RGPD1: variants seen among roughly 807,000 people sequenced by gnomAD.
The protein encoded by RGPD1 is RANBP2 like and GRIP domain containing 1.
A neutral mutation model predicts 40.6 loss-of-function variants in RGPD1; 7 were observed. That is an observed-to-expected ratio of 0.17 (90% CI 0.10 to 0.32). RGPD1 has a LOEUF of 0.32. RGPD1 is among the 10% of genes least tolerant of loss of function. The probability of loss-of-function intolerance (pLI) is 1.00; values close to 1 mark genes in which losing one functional copy is unlikely to be tolerated. For missense variants in RGPD1, 50 were observed against 472.5 expected (o/e 0.11, Z 8.29); for synonymous variants, 24 against 167.0 (o/e 0.14, Z 6.60).
Position 86,928,552 on chromosome 2 carries a change from CAG to C in RGPD1, c.72+14633_72+14634del, listed in dbSNP as rs1287881401. Among the ~76,000 whole-genome samples the C allele has an allele frequency of 3.3e-5, 5 of 152,038 alleles. No homozygotes were observed. In the East Asian group the frequency reaches 9.6e-4, roughly 29 times the overall value. On this transcript the variant is annotated intron_variant, in intron 1 of 22. Transcript: ENST00000398193. ...GGAACTGCTGTGGTAATTTAGGTAA[CAG>C]ATGATGATGGTTTAGGTGAAAGTGG...
At chr2:86,915,279 G>C (rs1229804447) in intron 1 of RGPD1, among the ~76,000 whole-genome samples, 1 of 150,998 alleles carries the variant, frequency 6.6e-6, no homozygotes, top group Non-Finnish European at 1.5e-5. Context: ...CTAGGTGATA[G>C]AGTTAGGGTT....
At chr2:86,943,418 G>T (rs1400832227) in intron 1 of RGPD1, among the ~76,000 whole-genome samples, 1 of 151,824 alleles carries the variant, frequency 6.6e-6, no homozygotes, top group South Asian at 2.1e-4. Context: ...CCTCTTTACA[G>T]GTAAATAATG....
intron 1 of RGPD1, among the ~76,000 whole-genome samples, chr2:86,925,765 C>T (rs913698709): frequency 7.2e-5 from 11 of 151,940 alleles, no homozygotes; most frequent in African/African-American, 2.4e-4. Flanking sequence ...GAAATAGAGT[C>T]TCGCTGTATG....
At chr2:86,924,402 A>G (rs1678301660) in intron 1 of RGPD1, among the ~76,000 whole-genome samples, 1 of 150,096 alleles carries the variant, frequency 6.7e-6, no homozygotes, top group African/African-American at 2.4e-5. Context: ...TAATCCGCCC[A>G]TGTTGACCTC....
At chr2:86,923,033 CTTTT>C (rs1196456916) in intron 1 of RGPD1, among the ~76,000 whole-genome samples, 1 of 54,484 alleles carries the variant, frequency 1.8e-5, no homozygotes, top group Non-Finnish European at 3.3e-5. Context: ...TGGTATATTC[CTTTT>C]TTTTTTTTTT....
At position 86,960,471 on chromosome 2, in the gene RGPD1, C is replaced by G. The variant is rs1680897693; in HGVS notation, c.779+2044C>G. On this transcript the variant is annotated intron_variant, in intron 6 of 22. Coordinates refer to ENST00000641458, the MANE Select transcript of RGPD1 (RefSeq NM_001382344.1). ...CGATCTCCTGACCTCGTGATCTGCC[C>G]TCCTCGGCCTCCCAAAGTGTTGGGA... Among the ~76,000 whole-genome samples the G allele has an allele frequency of 3.7e-5, 3 of 81,264 alleles. No homozygotes were observed. In the South Asian group the frequency reaches 1.2e-3, roughly 33 times the overall value. 53.3% of individuals were successfully genotyped at this position (81,264 alleles called of 152,430 possible).
At chr2:86,936,916 G>C (rs1679393366) in intron 1 of RGPD1, among the ~76,000 whole-genome samples, 1 of 134,390 alleles carries the variant, frequency 7.4e-6, no homozygotes. Flanking sequence ...TCTGAGACAG[G>C]ATATGAATGT....
rs560830021 is a variant in RGPD1 at position 86,936,099 on chromosome 2, G to A, written c.73-15197G>A. On this transcript the variant is annotated intron_variant, in intron 1 of 22. Coordinates refer to the RGPD1 transcript ENST00000398193. ...CGGCTCACTGCAAGCTCCACCTCCC[G>A]GGTTCACGCTGTTGTCCTGCCTCAG... 5.5e-4 allele frequency among the ~76,000 whole-genome samples: 74 copies of A among 135,118 alleles called. 5 individuals carry two copies. In the South Asian group the frequency reaches 0.015, roughly 27 times the overall value. 88.6% of individuals were successfully genotyped at this position (135,118 alleles called of 152,430 possible).
upstream of RGPD1, among the ~76,000 whole-genome samples, chr2:86,939,320 C>T (rs1285079560): frequency 4.1e-5 from 6 of 147,158 alleles, 1 homozygote; most frequent in Non-Finnish European, 6.0e-5. Flanking sequence ...TGCCGGGCAC[C>T]TGTATCCGAG....
chr2:86,913,866 C>T lies in RGPD1; in HGVS notation c.17C>T (p.Ala6Val), dbSNP rs369128248. The change falls in exon 1 of 23, where the codon GCC (alanine) becomes GTC (valine). Residue 6 changes from alanine to valine, a missense_variant. Ala to Val is a moderately conservative substitution (Grantham distance 64). Coordinates refer to the RGPD1 transcript ENST00000398193. ...GGCGGTGCGATGAGGCGCAGCAAGG[C>T]CTACGGGGAGCGGTACCTCGCCTCG... 40 of 1,580,726 alleles carry T rather than the reference C, an allele frequency of 2.5e-5. 2 individuals carry two copies. Among genetic ancestry groups the T allele is most frequent in the Admixed American group, 1.4e-4 (8 of 58,324 alleles).
chr2:86,924,747 C>T (rs115114275), intron 1 of RGPD1, among the ~76,000 whole-genome samples: 2 of 151,894 alleles, frequency 1.3e-5, no homozygotes, highest in Non-Finnish European at 1.5e-5. Flanking sequence ...GCTGCGATTA[C>T]AGGCATGAAT....
intron 1 of RGPD1, 99 bp downstream of exon 1, chr2:86,942,407 A>T: frequency 8.3e-7 from 1 of 1,197,958 alleles, no homozygotes; most frequent in Non-Finnish European, 1.1e-6. Flanking sequence ...GGCGGCCTCG[A>T]TGGCTCAGGC....
At chr2:86,930,068 C>T (rs568429434) in intron 1 of RGPD1, among the ~76,000 whole-genome samples, 1 of 142,804 alleles carries the variant, frequency 7.0e-6, no homozygotes, top group Admixed American at 6.9e-5. Context: ...ACTGGCTCAG[C>T]CTCACCGGAG....
chr2:86,943,335 C>A (rs1369197363), intron 1 of RGPD1, among the ~76,000 whole-genome samples: 10 of 135,854 alleles, frequency 7.4e-5, no homozygotes, highest in Admixed American at 1.7e-4. Context: ...AAAAAAAATT[C>A]TAAAGTTCTT....
rs1319797311 is a variant in RGPD1, at chr2:87,000,521, C to T, written c.5236+2763C>T. Among the ~76,000 whole-genome samples, 4 of 95,986 alleles carry T rather than the reference C, an allele frequency of 4.2e-5. 1 individual carries two copies. The highest frequency in any genetic ancestry group is 2.9e-4 in the Admixed American group (3 of 10,296). The allele number at this position is 95,986 out of a possible 152,430, so 63.0% of individuals were successfully genotyped here. On this transcript the variant is annotated intron_variant, in intron 22 of 22. Transcript: ENST00000641458. Reference sequence around the variant, plus strand: ...AGTCCTGTAAACAGACAGGAAAACACATTTAAATTAGTTTGCCCTTTAAAG... The same window carrying T: ...AGTCCTGTAAACAGACAGGAAAACATATTTAAATTAGTTTGCCCTTTAAAG...
chr2:86,914,436 CGG>C (rs1677650101), intron 1 of RGPD1, among the ~76,000 whole-genome samples: 1 of 5,448 alleles, frequency 1.8e-4, no homozygotes, highest in East Asian at 7.8e-3. Context: ...GCGGCGGCGG[CGG>C]CGGCGGCGGC....
chr2:86,918,655 T>G (rs1677911667), intron 1 of RGPD1, among the ~76,000 whole-genome samples: 1 of 148,012 alleles, frequency 6.8e-6, no homozygotes, highest in African/African-American at 2.6e-5. Flanking sequence ...GAGATGGGGT[T>G]TCACCATGTT....
intron 1 of RGPD1, among the ~76,000 whole-genome samples, chr2:86,925,915 A>G (rs1170980376): frequency 8.5e-4 from 126 of 147,414 alleles, no homozygotes; most frequent in African/African-American, 2.9e-3. Context: ...TTGTTTGCCA[A>G]ATGAATAATT....
At chr2:86,915,433 A>G (rs1459949936) in intron 1 of RGPD1, among the ~76,000 whole-genome samples, 1 of 139,270 alleles carries the variant, frequency 7.2e-6, no homozygotes, top group East Asian at 2.1e-4. Flanking sequence ...TCACAAGGCC[A>G]GGTACCTAGA....
Sources: gnomAD v4.1 joint callset for allele counts (sites outside exome capture counted in the v4.1 genomes callset) on GRCh38, gnomAD v4.1.1 for gene constraint, MANE v1.5 for transcripts, NCBI Gene and HGNC (gene_info 2026-07-23, HGNC 2026-07-21) for gene names.